EXOC6B: variants seen among roughly 807,000 people sequenced by gnomAD.
EXOC6B encodes the protein exocyst complex component 6B.
EXOC6B carries 54 observed loss-of-function variants against 113.5 expected under a neutral mutation model. The ratio of observed to expected loss-of-function variants is 0.48; its 90% CI spans 0.38 to 0.60. EXOC6B has a LOEUF of 0.60. EXOC6B is among the 20% of genes least tolerant of loss of function. The probability of loss-of-function intolerance (pLI) is 0.00; values close to 1 mark genes in which losing one functional copy is unlikely to be tolerated. For missense variants in EXOC6B, 797 were observed against 977.5 expected (o/e 0.82, Z 2.46); for synonymous variants, 357 against 339.0 (o/e 1.05, Z -0.58).
At chr2:72,797,058 G>A (rs1314702751) in intron 1 of EXOC6B, among the ~76,000 whole-genome samples, 1 of 152,188 alleles carries the variant, frequency 6.6e-6, no homozygotes, top group African/African-American at 2.4e-5. Context: ...ATTGAGGAAG[G>A]GAACTTTAGA....
chr2:72,641,069 A>C (rs991127947), intron 6 of EXOC6B, among the ~76,000 whole-genome samples: 1 of 152,232 alleles, frequency 6.6e-6, no homozygotes, highest in East Asian at 1.9e-4. Context: ...TTATCAAGAC[A>C]GAAAATTAGC....
intron 20 of EXOC6B, chr2:72,263,314 G>A (rs1683853738): frequency 2.0e-5 from 3 of 152,390 alleles, no homozygotes; most frequent in South Asian, 4.1e-4. Context: ...TTGCTGGGAT[G>A]AGACTACGCT....
intron 16 of EXOC6B, among the ~76,000 whole-genome samples, chr2:72,485,078 C>T (rs1345333578): frequency 6.6e-6 from 1 of 152,172 alleles, no homozygotes; most frequent in Non-Finnish European, 1.5e-5. Context: ...AATTTACATT[C>T]CCAGCAACGG....
intron 1 of EXOC6B, among the ~76,000 whole-genome samples, chr2:72,816,513 C>T (rs952331244): frequency 5.3e-5 from 8 of 151,994 alleles, no homozygotes; most frequent in Admixed American, 1.3e-4. Context: ...AAACAACAAA[C>T]GAATAAAATG....
chr2:72,728,043 CGA>C (rs1337078759), intron 5 of EXOC6B, among the ~76,000 whole-genome samples: 1 of 151,980 alleles, frequency 6.6e-6, no homozygotes, highest in African/African-American at 2.4e-5. Context: ...TTCACAATCA[CGA>C]GAGACTGGCA....
At chr2:72,576,185 A>G (rs1230291285) in intron 6 of EXOC6B, among the ~76,000 whole-genome samples, 3 of 152,152 alleles carry the variant, frequency 2.0e-5, no homozygotes, top group Non-Finnish European at 4.4e-5. Flanking sequence ...TAAGAGACCA[A>G]TGAAATAAAA....
At chr2:72,196,880 G>T (rs1679207533) in intron 20 of EXOC6B, among the ~76,000 whole-genome samples, 1 of 152,164 alleles carries the variant, frequency 6.6e-6, no homozygotes. Context: ...TAGATAAAAA[G>T]TGTTCACCAG....
chr2:72,270,064 C>T (rs1684391900), intron 20 of EXOC6B, among the ~76,000 whole-genome samples: 1 of 152,042 alleles, frequency 6.6e-6, no homozygotes, highest in Non-Finnish European at 1.5e-5. Flanking sequence ...CATATCTTCC[C>T]ATCATCACTG....
chr2:72,217,938 A>AT (rs2104413530), intron 20 of EXOC6B, among the ~76,000 whole-genome samples: 1 of 152,336 alleles, frequency 6.6e-6, no homozygotes, highest in East Asian at 1.9e-4. Context: ...TTTATATATT[A>AT]TTTTAATTAT....
chr2:72,224,994 G>GTGTGTGTGTGTATATATATATATATATA (rs908047817), intron 20 of EXOC6B, among the ~76,000 whole-genome samples: 16 of 137,254 alleles, frequency 1.2e-4, no homozygotes, highest in Non-Finnish European at 1.8e-4. Flanking sequence ...GTGTGTGTGT[G>GTGTGTGTGTGTATATATATATATATATA]TATATATATA....
At chr2:72,650,612 G>GA (rs59626760) in intron 6 of EXOC6B, among the ~76,000 whole-genome samples, 6 of 147,638 alleles carry the variant, frequency 4.1e-5, no homozygotes, top group South Asian at 2.1e-4. Flanking sequence ...GAAAAGAAAA[G>GA]AAAAAAAAAA....
At position 72,319,007 on chromosome 2, in the gene EXOC6B, T is replaced by A. The variant is rs371933002; in HGVS notation, c.2196+15940A>T. ...AATTTAAATTGGTATAACCCTTCATTAAGAATCAGCAATAGATTTAAAACC... is the reference window on the plus strand; with the variant it reads ...AATTTAAATTGGTATAACCCTTCATAAAGAATCAGCAATAGATTTAAAACC... On this transcript the variant is annotated intron_variant, in intron 20 of 21. Transcript: ENST00000272427. 1.2e-4 allele frequency among the ~76,000 whole-genome samples: 19 copies of A among 152,026 alleles called. No homozygotes were observed. The East Asian group carries it at 3.7e-3, about 29-fold the overall frequency.
At chr2:72,530,029 G>A (rs1256278251) in intron 8 of EXOC6B, among the ~76,000 whole-genome samples, 1 of 151,470 alleles carries the variant, frequency 6.6e-6, no homozygotes, top group African/African-American at 2.4e-5. Flanking sequence ...CCTTTTCTTT[G>A]TCAGTCATGT....
intron 18 of EXOC6B, among the ~76,000 whole-genome samples, chr2:72,407,709 G>C (rs565056062): frequency 8.5e-5 from 13 of 152,202 alleles, no homozygotes; most frequent in Admixed American, 2.6e-4. Context: ...TTGATGGGAC[G>C]TATCTCAAAA....
intron 1 of EXOC6B, among the ~76,000 whole-genome samples, chr2:72,808,474 A>G (rs1685701483): frequency 6.6e-6 from 1 of 152,178 alleles, no homozygotes; most frequent in Non-Finnish European, 1.5e-5. Flanking sequence ...AAAACACAAC[A>G]GAGGGCAAGC....
intron 19 of EXOC6B, among the ~76,000 whole-genome samples, chr2:72,379,497 T>G (rs1691553063): frequency 6.6e-6 from 1 of 152,206 alleles, no homozygotes; most frequent in African/African-American, 2.4e-5. Flanking sequence ...GATTACAAAC[T>G]TCCTTGTAGC....
intron 18 of EXOC6B, among the ~76,000 whole-genome samples, chr2:72,395,141 A>G (rs1204963323): frequency 1.3e-5 from 2 of 152,204 alleles, no homozygotes; most frequent in African/African-American, 4.8e-5. Context: ...GTGACAAAGC[A>G]AGAGTATTAA....
At chr2:72,488,594 T>G (rs903085481) in intron 16 of EXOC6B, among the ~76,000 whole-genome samples, 3 of 152,210 alleles carry the variant, frequency 2.0e-5, no homozygotes, top group African/African-American at 7.2e-5. Flanking sequence ...TCATGGTATA[T>G]ACAGCCTTCT....
intron 20 of EXOC6B, among the ~76,000 whole-genome samples, chr2:72,267,030 A>T (rs77963435): frequency 0.12 from 18,175 of 152,058 alleles, 1,343 homozygotes; most frequent in Admixed American, 0.16. Context: ...TGTGATTGGG[A>T]GTTCACTCAT....
Sources: allele counts gnomAD v4.1 joint callset (sites outside exome capture counted in the v4.1 genomes callset), GRCh38; gene constraint gnomAD v4.1.1; transcripts MANE v1.5; gene names NCBI Gene and HGNC (gene_info 2026-07-23, HGNC 2026-07-21).